The following CCDC141 variants were observed in gnomAD, a reference collection of about 807,000 sequenced individuals.
CCDC141 encodes the protein coiled-coil domain-containing protein 141.
CCDC141 carries 168 observed loss-of-function variants against 181.0 expected under a neutral mutation model. That is an observed-to-expected ratio of 0.93 (90% CI 0.82 to 1.05). CCDC141 has a LOEUF of 1.05. Ranked by LOEUF, CCDC141 falls within the 50% of genes least tolerant of loss-of-function variation. CCDC141 has a pLI of 0.00. For missense variants in CCDC141, 1,902 were observed against 1,788.5 expected (o/e 1.06, Z -1.14); for synonymous variants, 666 against 642.3 (o/e 1.04, Z -0.56).
At chr2:178,868,470 C>T (rs550303534) in intron 15 of CCDC141, among the ~76,000 whole-genome samples, 1 of 152,020 alleles carries the variant, frequency 6.6e-6, no homozygotes, top group East Asian at 1.9e-4. Context: ...GGTCTGTGCT[C>T]TGAGTAAATT....
At chr2:178,883,009 AT>A (rs1686701211) in intron 11 of CCDC141, among the ~76,000 whole-genome samples, 1 of 152,196 alleles carries the variant, frequency 6.6e-6, no homozygotes, top group Non-Finnish European at 1.5e-5. Flanking sequence ...AGGAAAACAG[AT>A]TTAGCAGAAA....
intron 2 of CCDC141, among the ~76,000 whole-genome samples, chr2:179,037,133 A>G (rs559518311): frequency 6.6e-6 from 1 of 152,304 alleles, no homozygotes; most frequent in African/African-American, 2.4e-5. Context: ...GGAGAAACAG[A>G]GAGAGAAGAG....
intron 19 of CCDC141, 52 bp downstream of exon 19, chr2:178,855,295 T>C: frequency 6.7e-7 from 1 of 1,497,752 alleles, no homozygotes; most frequent in Non-Finnish European, 9.1e-7. Flanking sequence ...AGTTGCAAAA[T>C]GATTTTTGAA....
At chr2:179,025,173 T>G (rs544517595) in intron 2 of CCDC141, among the ~76,000 whole-genome samples, 1 of 152,066 alleles carries the variant, frequency 6.6e-6, no homozygotes. Context: ...AGGTAAACTG[T>G]GTGTCACAGG....
rs757997622 is a variant in CCDC141, at chr2:178,850,179, G to A, written c.3245-18C>T. The A allele has an allele frequency of 5.7e-6, 8 of 1,394,822 alleles. No homozygotes were observed. Among genetic ancestry groups the A allele is most frequent in the Middle Eastern group, 1.8e-4 (1 of 5,702 alleles). The allele number at this position is 1,394,822 out of a possible 1,614,324, so 86.4% of individuals were successfully genotyped here. A position where few individuals can be genotyped will look rare whatever the true frequency, so the allele number is the denominator to read the frequency against. ...TTCCAAACCTGGGGAGGAGAAGGATGAAACTAGTTTTAAAGGTCAAATTTT... is the reference window on the plus strand; with the variant it reads ...TTCCAAACCTGGGGAGGAGAAGGATAAAACTAGTTTTAAAGGTCAAATTTT... On this transcript the variant is annotated intron_variant, in intron 20 of 23. Transcript: ENST00000443758.
chr2:178,929,267 A>AT (rs1468225053), intron 6 of CCDC141, among the ~76,000 whole-genome samples: 1 of 152,144 alleles, frequency 6.6e-6, no homozygotes, highest in East Asian at 1.9e-4. Flanking sequence ...TGATTTTACA[A>AT]TTTTTTCACA....
intron 1 of CCDC141, among the ~76,000 whole-genome samples, chr2:179,048,811 T>C (rs567820006): frequency 6.6e-6 from 1 of 152,306 alleles, no homozygotes; most frequent in East Asian, 1.9e-4. Flanking sequence ...ATTCTGTCCT[T>C]CTATAGTGAA....
chr2:178,966,122 G>C (rs1217907583), intron 4 of CCDC141, among the ~76,000 whole-genome samples: 1 of 152,206 alleles, frequency 6.6e-6, no homozygotes, highest in Non-Finnish European at 1.5e-5. Flanking sequence ...CCCAGTCAGG[G>C]ACTTAGAAAT....
intron 5 of CCDC141, among the ~76,000 whole-genome samples, chr2:178,959,122 A>G (rs1237407327): frequency 6.7e-6 from 1 of 149,926 alleles, no homozygotes; most frequent in East Asian, 2.0e-4. Context: ...GAAGGGGAAG[A>G]TCACACACTG....
chr2:178,973,218 T>C (rs1690977127), intron 4 of CCDC141, among the ~76,000 whole-genome samples: 1 of 152,142 alleles, frequency 6.6e-6, no homozygotes, highest in Admixed American at 6.5e-5. Flanking sequence ...TTTTTTTGTT[T>C]TATGAAAACA....
rs1692416125 is a variant in CCDC141, at chr2:178,999,237, G to A, written c.226-20562C>T. Among the ~76,000 whole-genome samples the A allele has an allele frequency of 2.6e-5, 4 of 152,056 alleles. No individual in the cohort carries two copies. The South Asian group carries it at 8.4e-4, about 32-fold the overall frequency. ...ACACTGAAACTCACCTGGCTGTCAG[G>A]AGCAAAAACACAGAAGGGTATCTTC... On this transcript the variant is annotated intron_variant, in intron 2 of 23. Coordinates refer to ENST00000443758, the MANE Select transcript of CCDC141 (RefSeq NM_173648.4).
rs747314950 is a variant in CCDC141 at position 178,845,647 on chromosome 2, T to A, written c.3453A>T (p.Ile1151=). 1 of 1,598,958 alleles carries A rather than the reference T, an allele frequency of 6.3e-7. No homozygotes were observed. Among genetic ancestry groups the A allele is most frequent in the Non-Finnish European group, 8.6e-7 (1 of 1,166,408 alleles). The change falls in exon 22 of 24, where the codon ATA becomes ATT. Residue 1151 remains isoleucine, a synonymous_variant. Transcript: ENST00000443758. ...TTACCTTATTCCTTTCTTCATTGAA[T>A]ATTGTCTGCTTATTTTTTGCTGGTT... is the stretch of plus-strand genomic sequence containing the variant. ...LKEPAKNKQT[I]FNEERNKGQV...
chr2:178,893,562 A>C (rs568876075), intron 8 of CCDC141, among the ~76,000 whole-genome samples: 4 of 152,044 alleles, frequency 2.6e-5, no homozygotes, highest in Non-Finnish European at 5.9e-5. Context: ...GATGGAAAAA[A>C]ATCTTCCTTA....
At chr2:178,823,231 T>C in the CCDC141 span, among the ~76,000 whole-genome samples, 3 of 152,282 alleles carry the variant, frequency 2.0e-5, no homozygotes, top group East Asian at 3.9e-4. Context: ...TTTGAGTCAA[T>C]AGTTATATAA....
chr2:179,018,492 T>G (rs2042606977), intron 2 of CCDC141, among the ~76,000 whole-genome samples: 1 of 152,190 alleles, frequency 6.6e-6, no homozygotes, highest in South Asian at 2.1e-4. Flanking sequence ...TTTCAAATAA[T>G]GTCACAAATT....
chr2:178,918,478 G>A (rs114653177), intron 7 of CCDC141, among the ~76,000 whole-genome samples: 214 of 152,268 alleles, frequency 1.4e-3, no homozygotes, highest in African/African-American at 4.7e-3. Flanking sequence ...AAACCCTCAC[G>A]AGGTTTGTTT....
intron 8 of CCDC141, among the ~76,000 whole-genome samples, chr2:178,897,676 T>C (rs143592817): frequency 2.4e-3 from 368 of 152,292 alleles, no homozygotes; most frequent in African/African-American, 8.4e-3. Flanking sequence ...GCAAGTTTAT[T>C]TGTCAATTAT....
intron 2 of CCDC141, among the ~76,000 whole-genome samples, chr2:179,028,745 G>A (rs890940770): frequency 1.3e-5 from 2 of 151,960 alleles, no homozygotes; most frequent in African/African-American, 4.8e-5. Context: ...AATATACTAT[G>A]TTGCTATAAC....
At chr2:179,000,742 C>T (rs1279261555) in intron 2 of CCDC141, among the ~76,000 whole-genome samples, 1 of 152,104 alleles carries the variant, frequency 6.6e-6, no homozygotes, top group Non-Finnish European at 1.5e-5. Flanking sequence ...TCATACAAAT[C>T]TTTGTAGACC....
Sources: allele counts gnomAD v4.1 joint callset (sites outside exome capture counted in the v4.1 genomes callset), GRCh38; gene constraint gnomAD v4.1.1; transcripts MANE v1.5; gene names NCBI Gene and HGNC (gene_info 2026-07-23, HGNC 2026-07-21).